Variants in ADGRA2 observed in about 807,000 individuals in gnomAD.
ADGRA2 encodes adhesion G protein-coupled receptor A2.
Under a neutral mutation model 98.7 loss-of-function variants are expected in ADGRA2, and 61 were observed. The observed-to-expected ratio is 0.62, with a 90% CI of 0.50 to 0.76. ADGRA2 has a LOEUF of 0.76. ADGRA2 is among the 30% of genes least tolerant of loss of function. ADGRA2 has a pLI of 0.00. For synonymous variants in ADGRA2, 858 were observed against 831.5 expected (o/e 1.03, Z -0.55); for missense variants, 1,712 against 1,860.0 (o/e 0.92, Z 1.46).
chr8:37,830,628 C>CCCCCCA lies in ADGRA2; in HGVS notation c.719-81_719-80insCCCCAC. The CCCCCCA allele has an allele frequency of 1.4e-6, 1 of 711,454 alleles. No individual in the cohort carries two copies. Among genetic ancestry groups the CCCCCCA allele is most frequent in the Non-Finnish European group, 2.4e-6 (1 of 411,720 alleles). The allele number at this position is 711,454 out of a possible 1,614,324, so 44.1% of individuals were successfully genotyped here. On this transcript the variant is annotated intron_variant, in intron 6 of 18. Transcript: ENST00000412232. This position sits in a 1 kb window ranked among gnomAD's most constrained non-coding sequence, Gnocchi z 4.8. ...GCCGAGGGCCCCGCCCCGCCCCACC[C>CCCCCCA]CATCCTGCTGGACTCTCGCTCACAC...
rs759216475 is a variant in ADGRA2, at chr8:37,834,095, C to T, written c.1575C>T (p.Ala525=). ...IVGALERIGG[A]ALSPHAQHIS... is the part of the protein sequence containing the mutation. ...GTGCCCTGGAGCGCATTGGGGGGGC[C>T]GCCCTCAGCCCCCATGCCCAGCACA... The change falls in exon 11 of 19, where the codon GCC becomes GCT. Residue 525 remains alanine, a synonymous_variant. Coordinates refer to ENST00000412232, the MANE Select transcript of ADGRA2 (RefSeq NM_032777.10). The surrounding 1 kb of genome is among the most constrained non-coding windows in gnomAD (Gnocchi z 4.2). The T allele has an allele frequency of 8.7e-6, 14 of 1,612,216 alleles. No homozygotes were observed. The highest frequency in any genetic ancestry group is 3.3e-5 in the Admixed American group (2 of 59,974).
In ADGRA2 at chr8:37,844,002, TTA is replaced by T. The variant is rs1805897794; in HGVS notation, c.*1649_*1650del. The T allele has an allele frequency of 1.3e-5, 2 of 159,212 alleles. No individual in the cohort carries two copies. 9.9% of individuals were successfully genotyped at this position (159,212 alleles called of 1,614,324 possible). A position where few individuals can be genotyped will look rare whatever the true frequency, so the allele number is the denominator to read the frequency against. Reference sequence around the variant, plus strand: ...CCTTAGTCTACCCACTGTCCTTTTGTTATGAGGTAGAGGATCTCATGACACCA... The same window carrying T: ...CCTTAGTCTACCCACTGTCCTTTTGTTGAGGTAGAGGATCTCATGACACCA... On this transcript the variant is annotated 3_prime_UTR_variant, in exon 19 of 19. Transcript: ENST00000412232.
chr8:37,828,155 C>CAAA (rs1023090241), intron 2 of ADGRA2, among the ~76,000 whole-genome samples: 7 of 151,896 alleles, frequency 4.6e-5, no homozygotes, highest in Non-Finnish European at 5.9e-5. Context: ...CAAAACAAAA[C>CAAA]AAAACAACTA....
Position 37,834,031 on chromosome 8 carries a change from T to G in ADGRA2, c.1511T>G (p.Leu504Arg). The stretch of plus-strand genomic sequence containing the variant: ...CTGGTGGACGAGCACCTGCTGTGGC[T>G]GGCCCAGCGCGAGGACAAGGCCTGC... Reference protein sequence around the residue: ...LMLVDEHLLWLAQREDKACSR... With the variant: ...LMLVDEHLLWRAQREDKACSR... Residue 504 changes from leucine (L) to arginine (R), a missense_variant, in exon 11 of 19, where the codon CTG becomes CGG. Coordinates refer to ENST00000412232, the MANE Select transcript of ADGRA2 (RefSeq NM_032777.10). The surrounding 1 kb of genome is among the most constrained non-coding windows in gnomAD (Gnocchi z 4.2). The G allele has an allele frequency of 1.2e-6, 2 of 1,612,994 alleles. No homozygotes were observed. The highest frequency in any genetic ancestry group is 1.7e-6 in the Non-Finnish European group (2 of 1,179,934).
intron 1 of ADGRA2, among the ~76,000 whole-genome samples, chr8:37,798,271 C>T (rs1174701736): frequency 6.6e-6 from 1 of 152,248 alleles, no homozygotes; most frequent in African/African-American, 2.4e-5. Context: ...TTGGCTGTTT[C>T]TCCATTGACT....
rs1308808876 is a variant in ADGRA2 at position 37,829,853 on chromosome 8, A to G, written c.557A>G (p.Asp186Gly). The G allele has an allele frequency of 6.2e-7, 1 of 1,610,046 alleles. No homozygotes were observed. The highest frequency in any genetic ancestry group is 1.7e-5 in the Admixed American group (1 of 59,768). The change falls in exon 6 of 19, where the codon GAC (aspartate) becomes GGC (glycine). Residue 186 changes from aspartate to glycine, a missense_variant and splice_region_variant. Transcript: ENST00000412232. Reference sequence around the variant, plus strand: ...TGACCCCTCTGCCCACCCTGCAGGGACTTGGGCACCGAGTTCCTGACCTGT... The same window carrying G: ...TGACCCCTCTGCCCACCCTGCAGGGGCTTGGGCACCGAGTTCCTGACCTGT... ...FDELPALKVV[D>G]LGTEFLTCDC... is the part of the protein sequence containing the mutation.
At chr8:37,822,095 T>C (rs1355856325) in intron 2 of ADGRA2, among the ~76,000 whole-genome samples, 1 of 152,040 alleles carries the variant, frequency 6.6e-6, no homozygotes, top group African/African-American at 2.4e-5. Context: ...TGGCATGGGG[T>C]ACATGCTCAA....
At chr8:37,836,606 C>T (rs1805623290) in intron 13 of ADGRA2, among the ~76,000 whole-genome samples, 1 of 152,310 alleles carries the variant, frequency 6.6e-6, no homozygotes, top group South Asian at 2.1e-4. Context: ...TCCACTGTTA[C>T]TCCCACCATC....
chr8:37,830,787 T>A lies in ADGRA2; in HGVS notation c.796T>A (p.Phe266Ile). 1 of 1,596,546 alleles carries A rather than the reference T, an allele frequency of 6.3e-7. No individual in the cohort carries two copies. The highest frequency in any genetic ancestry group is 8.5e-7 in the Non-Finnish European group (1 of 1,172,250). The change falls in exon 7 of 19, where the codon TTC becomes ATC. Residue 266 changes from phenylalanine to isoleucine, a missense_variant. Physicochemically the swap from Phe to Ile is conservative, Grantham distance 21 (BLOSUM62 0). Coordinates refer to ENST00000412232, the MANE Select transcript of ADGRA2 (RefSeq NM_032777.10). The surrounding 1 kb of genome is among the most constrained non-coding windows in gnomAD (Gnocchi z 4.8). ...QVVFQGDRLPFQCSASYLGND... is the reference protein window; with the variant it reads ...QVVFQGDRLPIQCSASYLGND... ...GGTGTTCCAGGGGGATCGGCTGCCC[T>A]TCCAGTGCTCTGCCAGCTACCTGGG...
chr8:37,812,890 A>G (rs983608173), intron 1 of ADGRA2, among the ~76,000 whole-genome samples: 7 of 151,852 alleles, frequency 4.6e-5, no homozygotes, highest in Non-Finnish European at 8.8e-5. Context: ...GAGTTTCACT[A>G]TGTTGCCCAG....
intron 1 of ADGRA2, among the ~76,000 whole-genome samples, chr8:37,806,778 C>T (rs989831543): frequency 2.6e-5 from 4 of 152,094 alleles, no homozygotes; most frequent in Non-Finnish European, 5.9e-5. Context: ...GATCCATCCA[C>T]CTTGTCCTCC....
intron 1 of ADGRA2, among the ~76,000 whole-genome samples, chr8:37,798,654 C>A (rs1000885911): frequency 5.9e-5 from 9 of 152,246 alleles, no homozygotes; most frequent in African/African-American, 2.2e-4. Context: ...CAGTGGCAAC[C>A]GTTTCTCCAC....
chr8:37,797,283 A>T lies in ADGRA2; in HGVS notation c.15A>T (p.Gly5=), dbSNP rs1221241128. Residue 5 remains glycine, a synonymous_variant, in exon 1 of 19, where the codon GGA becomes GGT. Coordinates refer to ENST00000412232, the MANE Select transcript of ADGRA2 (RefSeq NM_032777.10). The surrounding 1 kb of genome is among the most constrained non-coding windows in gnomAD (Gnocchi z 5.3). Reference sequence around the variant, plus strand: ...GCGATGGGTTGATGGGCGCCGGGGGACGCAGGATGCGGGGGGCGCCCGCGC... The same window carrying T: ...GCGATGGGTTGATGGGCGCCGGGGGTCGCAGGATGCGGGGGGCGCCCGCGC... MGAG[G]RRMRGAPARL... 5.4e-6 allele frequency: 7 copies of T among 1,297,676 alleles called. No individual in the cohort carries two copies. Among genetic ancestry groups the T allele is most frequent in the Non-Finnish European group, 1.9e-6 (2 of 1,029,768 alleles). 80.4% of individuals were successfully genotyped at this position (1,297,676 alleles called of 1,614,324 possible).
Position 37,843,832 on chromosome 8 carries a change from A to G in ADGRA2, c.*1477A>G, listed in dbSNP as rs1469332111. ...CCTTAGCACTGGAGAGCTTTTTGCA[A>G]TATGCTGGGGAAAGGGGAGGGAGGG... On this transcript the variant is annotated 3_prime_UTR_variant, in exon 19 of 19. Transcript: ENST00000412232. The G allele has an allele frequency of 6.5e-6, 1 of 152,768 alleles. No individual in the cohort carries two copies. The highest frequency in any genetic ancestry group is 1.5e-5 in the Non-Finnish European group (1 of 68,138). The allele number at this position is 152,768 out of a possible 1,614,324, so 9.5% of individuals were successfully genotyped here. A position where few individuals can be genotyped will look rare whatever the true frequency, so the allele number is the denominator to read the frequency against.
chr8:37,840,440 A>G (rs548045963), intron 17 of ADGRA2, among the ~76,000 whole-genome samples, 174 bp downstream of exon 17: 125 of 152,260 alleles, frequency 8.2e-4, no homozygotes, highest in African/African-American at 2.9e-3. Flanking sequence ...AGTGGGGGAC[A>G]TCTTGCGGGC....
At chr8:37,840,302 G>A in intron 17 of ADGRA2, 36 bp downstream of exon 17, 1 of 1,605,442 alleles carries the variant, frequency 6.2e-7, no homozygotes, top group Non-Finnish European at 8.5e-7. Context: ...CAATTGGGGA[G>A]GGACTCCAAC....
At chr8:37,816,927 AACACACACACAC>A (rs3050620) in intron 2 of ADGRA2, among the ~76,000 whole-genome samples, 1,577 of 131,982 alleles carry the variant, frequency 0.012, 28 homozygotes, top group African/African-American at 0.034. Context: ...AAGAAAGCAA[AACACACACACAC>A]ACACACACAC....
Position 37,797,740 on chromosome 8 carries a change from C to T in ADGRA2, c.266+206C>T, listed in dbSNP as rs937454012. 3.9e-5 allele frequency among the ~76,000 whole-genome samples: 6 copies of T among 152,134 alleles called. No individual in the cohort carries two copies. The highest frequency in any genetic ancestry group is 8.8e-5 in the Non-Finnish European group (6 of 68,006). ...GGAGCGTGGAGGCGGGAAGGGGCTGCGGGGGACAGGCGCACCCCAGAGAAA... is the reference window on the plus strand; with the variant it reads ...GGAGCGTGGAGGCGGGAAGGGGCTGTGGGGGACAGGCGCACCCCAGAGAAA... On this transcript the variant is annotated intron_variant, in intron 1 of 18. Transcript: ENST00000412232. The surrounding 1 kb of genome is among the most constrained non-coding windows in gnomAD (Gnocchi z 5.3).
At position 37,797,499 on chromosome 8, in the gene ADGRA2, C is replaced by G; in HGVS notation, c.231C>G (p.Pro77=). The G allele has an allele frequency of 2.1e-6, 3 of 1,403,888 alleles. No homozygotes were observed. Among genetic ancestry groups the G allele is most frequent in the Non-Finnish European group, 2.8e-6 (3 of 1,075,172 alleles). 87.0% of individuals were successfully genotyped at this position (1,403,888 alleles called of 1,614,324 possible). Residue 77 remains proline, a synonymous_variant, in exon 1 of 19, where the codon CCC becomes CCG. Coordinates refer to ENST00000412232, the MANE Select transcript of ADGRA2 (RefSeq NM_032777.10). The surrounding 1 kb of genome is among the most constrained non-coding windows in gnomAD (Gnocchi z 5.3). ...VCSGGDLPEP[P]EPGLLPNGTV... is the part of the protein sequence containing the mutation. Reference sequence around the variant, plus strand: ...GCGGCGGGGACCTCCCGGAGCCTCCCGAGCCCGGCCTTCTGCCTAACGGCA... The same window carrying G: ...GCGGCGGGGACCTCCCGGAGCCTCCGGAGCCCGGCCTTCTGCCTAACGGCA...
Sources: gnomAD v4.1 joint callset for allele counts (sites outside exome capture counted in the v4.1 genomes callset) on GRCh38, gnomAD v4.1.1 for gene constraint, Gnocchi (gnomAD v3.1) non-coding constraint, MANE v1.5 for transcripts, NCBI Gene and HGNC (gene_info 2026-07-23, HGNC 2026-07-21) for gene names.